The following PRKN variants were observed in gnomAD, a reference collection of about 807,000 sequenced individuals.
PRKN encodes the protein E3 ubiquitin-protein ligase parkin.
PRKN carries 56 observed loss-of-function variants against 59.5 expected under a neutral mutation model. The observed-to-expected ratio is 0.94, with a 90% confidence interval of 0.76 to 1.18. The LOEUF (loss-of-function observed/expected upper bound fraction) is 1.18. Ranked by LOEUF, PRKN falls within the 50% of genes most tolerant of loss-of-function variation. PRKN has a pLI of 0.00. For synonymous variants in PRKN, 250 were observed against 222.1 expected (o/e 1.13, Z -1.12); for missense variants, 657 against 596.4 (o/e 1.10, Z -1.06).
intron 7 of PRKN, among the ~76,000 whole-genome samples, chr6:161,746,897 TG>T (rs1788456419): frequency 6.6e-6 from 1 of 151,080 alleles, no homozygotes; most frequent in Non-Finnish European, 1.5e-5. Context: ...TATCTATGTA[TG>T]TATGTATAAT....
intron 7 of PRKN, among the ~76,000 whole-genome samples, chr6:161,649,579 C>T (rs1307079491): frequency 1.3e-5 from 2 of 152,128 alleles, no homozygotes; most frequent in African/African-American, 4.8e-5. Context: ...GTTCATGGAC[C>T]TATTTCCTAT....
chr6:161,510,900 G>C (rs1271900169), intron 9 of PRKN, among the ~76,000 whole-genome samples: 1 of 152,172 alleles, frequency 6.6e-6, no homozygotes, highest in Non-Finnish European at 1.5e-5. Flanking sequence ...AGAGGGTGTT[G>C]ACCGTATTGA....
chr6:162,240,762 C>G (rs1017446321), intron 3 of PRKN, among the ~76,000 whole-genome samples: 2 of 152,134 alleles, frequency 1.3e-5, no homozygotes, highest in Non-Finnish European at 2.9e-5. Flanking sequence ...CCCATTAAAA[C>G]TGAGAAAAGA....
chr6:162,649,452 T>C (rs1346964504), intron 1 of PRKN, among the ~76,000 whole-genome samples: 2 of 152,078 alleles, frequency 1.3e-5, no homozygotes, highest in Admixed American at 1.3e-4. Flanking sequence ...GTACACATCA[T>C]CTAAGTCTCT....
chr6:161,424,393 T>C (rs1260548165), intron 9 of PRKN, among the ~76,000 whole-genome samples: 1 of 148,350 alleles, frequency 6.7e-6, no homozygotes, highest in African/African-American at 2.5e-5. Flanking sequence ...CAATCATGGG[T>C]GGGCCAGCTC....
At chr6:161,541,879 C>A (rs529875895) in intron 9 of PRKN, among the ~76,000 whole-genome samples, 43 of 151,854 alleles carry the variant, frequency 2.8e-4, no homozygotes, top group African/African-American at 8.4e-4. Flanking sequence ...TCAACAAAAA[C>A]TGGCTAAAGA....
At chr6:161,443,773 T>C (rs1447854922) in intron 9 of PRKN, among the ~76,000 whole-genome samples, 1 of 152,194 alleles carries the variant, frequency 6.6e-6, no homozygotes, top group East Asian at 1.9e-4. Flanking sequence ...CAGCTGCTAA[T>C]ATTACTCCTG....
chr6:161,729,132 T>A (rs1787571631), intron 7 of PRKN, among the ~76,000 whole-genome samples: 1 of 152,252 alleles, frequency 6.6e-6, no homozygotes. Flanking sequence ...ACTATTGTAA[T>A]TCTCAAATTC....
At chr6:161,615,394 G>A (rs562788996) in intron 7 of PRKN, among the ~76,000 whole-genome samples, 1 of 152,238 alleles carries the variant, frequency 6.6e-6, no homozygotes, top group South Asian at 2.1e-4. Context: ...TTAAATATCT[G>A]GTCTAGAGAA....
chr6:162,298,824 C>T (rs930925043), intron 2 of PRKN, among the ~76,000 whole-genome samples: 1 of 152,090 alleles, frequency 6.6e-6, no homozygotes, highest in African/African-American at 2.4e-5. Flanking sequence ...AAAGCCAGAG[C>T]CAGGGCTGAG....
At chr6:161,942,376 C>G (rs1314446675) in intron 6 of PRKN, among the ~76,000 whole-genome samples, 1 of 151,966 alleles carries the variant, frequency 6.6e-6, no homozygotes, top group African/African-American at 2.4e-5. Context: ...ACTAAAAATA[C>G]AAAAATTAGC....
intron 1 of PRKN, among the ~76,000 whole-genome samples, chr6:162,445,531 T>A (rs1158163603): frequency 1.3e-5 from 2 of 151,250 alleles, no homozygotes; most frequent in Admixed American, 6.6e-5. Context: ...TACAAAAAAT[T>A]TTTTTAAACA....
At chr6:161,640,086 C>T (rs781327436) in intron 7 of PRKN, among the ~76,000 whole-genome samples, 2 of 152,202 alleles carry the variant, frequency 1.3e-5, no homozygotes, top group African/African-American at 4.8e-5. Context: ...CTAACCAGCA[C>T]TGTATGTATT....
chr6:162,415,743 G>C (rs12191146), intron 2 of PRKN, among the ~76,000 whole-genome samples: 82,926 of 151,412 alleles, frequency 0.55, 23,614 homozygotes, highest in African/African-American at 0.7. Flanking sequence ...CTTGAACCCG[G>C]GAGGCAGAGG....
chr6:162,361,546 C>T lies in PRKN; in HGVS notation c.171+81764G>A, dbSNP rs575263439. On this transcript the variant is annotated intron_variant, in intron 2 of 11. Transcript: ENST00000366898. ...CAGAACTCAGAGAACTAAACATGTGCGTTTAAGTGCCCAGTCTATGAGACT... is the reference window on the plus strand; with the variant it reads ...CAGAACTCAGAGAACTAAACATGTGTGTTTAAGTGCCCAGTCTATGAGACT... Among the ~76,000 whole-genome samples, 11 of 152,174 alleles carry T rather than the reference C, an allele frequency of 7.2e-5. No homozygotes were observed. The South Asian group carries it at 1.7e-3, about 23-fold the overall frequency.
chr6:162,583,669 A>G (rs1390778024), intron 1 of PRKN, among the ~76,000 whole-genome samples: 2 of 152,198 alleles, frequency 1.3e-5, no homozygotes, highest in Non-Finnish European at 2.9e-5. Flanking sequence ...CAGCCATTCT[A>G]AAGAGTTATC....
intron 7 of PRKN, among the ~76,000 whole-genome samples, chr6:161,625,613 T>C (rs1287290238): frequency 6.6e-6 from 1 of 152,230 alleles, no homozygotes. Context: ...TTATTTCTTC[T>C]GCATATAACC....
chr6:161,586,519 TGTG>T (rs1781527621), intron 7 of PRKN, among the ~76,000 whole-genome samples: 2 of 152,238 alleles, frequency 1.3e-5, no homozygotes, highest in Non-Finnish European at 2.9e-5. Context: ...AATGAGATTT[TGTG>T]AAACGAATCA....
chr6:161,995,091 C>A (rs1781792867), intron 5 of PRKN, among the ~76,000 whole-genome samples: 1 of 152,080 alleles, frequency 6.6e-6, no homozygotes, highest in African/African-American at 2.4e-5. Flanking sequence ...TAAAAACATA[C>A]ACATAGAGCA....
Sources: allele counts gnomAD v4.1 joint callset (sites outside exome capture counted in the v4.1 genomes callset), GRCh38; gene constraint gnomAD v4.1.1; transcripts MANE v1.5; gene names NCBI Gene and HGNC (gene_info 2026-07-23, HGNC 2026-07-21).